Variants in GPR155 observed in about 807,000 individuals in gnomAD.
GPR155 encodes lysosomal cholesterol signaling protein.
Under a neutral mutation model 93.1 loss-of-function variants are expected in GPR155, and 65 were observed. That is an observed-to-expected ratio of 0.70 (90% CI 0.57 to 0.86). The LOEUF (loss-of-function observed/expected upper bound fraction) is 0.86. Among genes scored for constraint, GPR155 ranks in the 40% least tolerant of loss-of-function variants. GPR155 has a pLI of 0.00. For synonymous variants in GPR155, 319 were observed against 360.1 expected, an observed-to-expected ratio of 0.89 and a Z score of 1.29; for missense variants, 838 against 1,034.8, an observed-to-expected ratio of 0.81 and a Z score of 2.61.
chr2:174,473,171 T>G lies in GPR155; in HGVS notation c.654A>C (p.Pro218=), dbSNP rs1468723124. The change falls in exon 3 of 16, where the codon CCA becomes CCC. Residue 218 remains proline (P), a synonymous_variant. Coordinates refer to ENST00000392552, the MANE Select transcript of GPR155 (RefSeq NM_152529.7). ...TGCCAATGAAGACCATAAATACTAT[T>G]GGGTTCTGTAATACACGCAGGAGTC... is the stretch of plus-strand genomic sequence containing the variant. The part of the protein sequence containing the change: ...GLGLLRVLQN[P]IVFMVFIGIA... 4 of 1,613,198 alleles carry G rather than the reference T, an allele frequency of 2.5e-6. No homozygotes were observed. In the African/African-American group the frequency reaches 5.3e-5, roughly 22 times the overall value.
rs1686699324 is a variant in GPR155, at chr2:174,433,750, C to G, written c.*2366G>C. ...AGCCAGAAATTTGCCTTACCAGACA[C>G]TAGATCTGTTAGTGCCTTAATCTTG... On this transcript the variant is annotated 3_prime_UTR_variant, in exon 16 of 16. Transcript: ENST00000392552. 6.6e-6 allele frequency: 1 copy of G among 152,178 alleles called. No homozygotes were observed. The highest frequency in any genetic ancestry group is 2.4e-5 in the African/African-American group (1 of 41,434). 9.4% of individuals were successfully genotyped at this position (152,178 alleles called of 1,614,324 possible).
rs1448081731 is a variant in GPR155 at position 174,468,927 on chromosome 2, G to T, written c.1167C>A (p.Val389=). Residue 389 remains valine (V), a synonymous_variant, in exon 5 of 16, where the codon GTC becomes GTA. Coordinates refer to ENST00000392552, the MANE Select transcript of GPR155 (RefSeq NM_152529.7). ...ACGTACTTACCAAGGAGATCAGGCT[G>T]ACAATACTTATATCAAAACTAACAT... is the stretch of plus-strand genomic sequence containing the variant. ...IQNVSFDISI[V]SLISLIWSLA... is the part of the protein sequence containing the mutation. 6.2e-7 allele frequency: 1 copy of T among 1,613,810 alleles called. No homozygotes were observed. Among genetic ancestry groups the T allele is most frequent in the Non-Finnish European group, 8.5e-7 (1 of 1,179,776 alleles).
chr2:174,470,238 A>G, intron 4 of GPR155, 152 bp downstream of exon 4: 1 of 610,002 alleles, frequency 1.6e-6, no homozygotes. Flanking sequence ...GGCAGAAGGC[A>G]GGAGTTTGAA....
intron 6 of GPR155, 78 bp from the exon 7 acceptor site, chr2:174,465,980 A>G (rs1014750412): frequency 6.1e-6 from 4 of 659,188 alleles, no homozygotes; most frequent in African/African-American, 3.6e-5. Context: ...GAAAATTCCA[A>G]TTAAGCCAGC....
chr2:174,479,587 A>T (rs1348708062), intron 2 of GPR155, among the ~76,000 whole-genome samples: 1 of 152,226 alleles, frequency 6.6e-6, no homozygotes, highest in Non-Finnish European at 1.5e-5. Flanking sequence ...TACTCTGTAA[A>T]CTACATAGTT....
At chr2:174,448,913 C>A (rs1280680370) in intron 11 of GPR155, among the ~76,000 whole-genome samples, 2 of 152,170 alleles carry the variant, frequency 1.3e-5, no homozygotes, top group Non-Finnish European at 2.9e-5. Flanking sequence ...TAAAGAGCTT[C>A]TGCATAGCAG....
At position 174,473,010 on chromosome 2, in the gene GPR155, T is replaced by G; in HGVS notation, c.815A>C (p.Lys272Thr). 6.3e-7 allele frequency: 1 copy of G among 1,594,688 alleles called. No homozygotes were observed. Among genetic ancestry groups the G allele is most frequent in the Non-Finnish European group, 8.5e-7 (1 of 1,175,520 alleles). ...AATTAGTACTACAAATGCCGACTTC[T>G]TCAGTCTCTTTATTTTTCCCACCAT... ...LTMVGKIKRLKKSAFVVLILL... is the reference protein window; with the variant it reads ...LTMVGKIKRLTKSAFVVLILL... Residue 272 changes from lysine (K) to threonine (T), a missense_variant, in exon 3 of 16, where the codon AAG becomes ACG. By Grantham distance (78) the Lys-to-Thr change is moderately conservative (BLOSUM62 -1). Around this residue, in one of 3 missense-constraint regions of GPR155, gnomAD observed 663 missense variants for 790.1 expected, o/e 0.84. Coordinates refer to ENST00000392552, the MANE Select transcript of GPR155 (RefSeq NM_152529.7).
At chr2:174,479,139 G>A (rs1010445544) in intron 2 of GPR155, among the ~76,000 whole-genome samples, 1 of 152,058 alleles carries the variant, frequency 6.6e-6, no homozygotes, top group Non-Finnish European at 1.5e-5. Context: ...GCTGGCACAC[G>A]GCTAGAAACA....
Position 174,446,731 on chromosome 2 carries a change from A to G in GPR155, c.1893T>C (p.Ser631=). 1.9e-6 allele frequency: 3 copies of G among 1,613,930 alleles called. No individual in the cohort carries two copies. The highest frequency in any genetic ancestry group is 1.7e-6 in the Non-Finnish European group (2 of 1,179,902). ...ATATGCAGCTCTGGGAGTTACAGCG[A>G]CTCACACAATGATTGTCTATAAAAG... ...PSFEKNNHCV[S]RCNSQSCILA... is the part of the protein sequence containing the mutation. Residue 631 remains serine (S), a synonymous_variant, in exon 12 of 16, where the codon AGT becomes AGC. Coordinates refer to ENST00000392552, the MANE Select transcript of GPR155 (RefSeq NM_152529.7).
chr2:174,475,227 G>A (rs1217824784), intron 2 of GPR155, among the ~76,000 whole-genome samples: 1 of 144,470 alleles, frequency 6.9e-6, no homozygotes, highest in Non-Finnish European at 1.5e-5. Context: ...CCCGGGAGGC[G>A]GAGCTTGCAG....
At chr2:174,468,882 T>C (rs1245185309) in intron 5 of GPR155, 30 bp downstream of exon 5, 2 of 1,576,594 alleles carry the variant, frequency 1.3e-6, no homozygotes, top group African/African-American at 2.7e-5. Context: ...TTCTGTGGTT[T>C]CCATTCATTT....
chr2:174,446,706 A>G lies in GPR155; in HGVS notation c.1918T>C (p.Leu640=). 1 of 1,613,824 alleles carries G rather than the reference A, an allele frequency of 6.2e-7. No individual in the cohort carries two copies. The highest frequency in any genetic ancestry group is 8.5e-7 in the Non-Finnish European group (1 of 1,179,672). The change falls in exon 12 of 16, where the codon TTA becomes CTA. Residue 640 remains leucine (L), a synonymous_variant. Transcript: ENST00000392552. ...VSRCNSQSCI[L]AQEEEQYLQS... Reference sequence around the variant, plus strand: ...AGATACTGTTCTTCTTCCTGGGCTAATATGCAGCTCTGGGAGTTACAGCGA... The same window carrying G: ...AGATACTGTTCTTCTTCCTGGGCTAGTATGCAGCTCTGGGAGTTACAGCGA...
At chr2:174,440,787 G>A (rs1686935028) in intron 14 of GPR155, among the ~76,000 whole-genome samples, 1 of 152,052 alleles carries the variant, frequency 6.6e-6, no homozygotes, top group Admixed American at 6.6e-5. Flanking sequence ...CCCCACATTG[G>A]AGTATTACTA....
chr2:174,476,972 A>G (rs142010082), intron 2 of GPR155, among the ~76,000 whole-genome samples: 35 of 152,332 alleles, frequency 2.3e-4, no homozygotes, highest in African/African-American at 4.8e-4. Flanking sequence ...CCTTGAAAGC[A>G]TCATTTTAAT....
At chr2:174,452,123 T>C (rs1343838416) in intron 11 of GPR155, among the ~76,000 whole-genome samples, 1 of 152,088 alleles carries the variant, frequency 6.6e-6, no homozygotes, top group Non-Finnish European at 1.5e-5. Context: ...GGAATTCTGA[T>C]GTAAAGAAAC....
chr2:174,473,194 G>T lies in GPR155; in HGVS notation c.631C>A (p.Leu211Ile), dbSNP rs541458587. The T allele has an allele frequency of 5.0e-6, 8 of 1,613,328 alleles. No individual in the cohort carries two copies. The East Asian group carries it at 1.8e-4, about 36-fold the overall frequency. ...QNKIKIVGLG[L>I]LRVLQNPIVF... is the part of the protein sequence containing the mutation. ...ATTGGGTTCTGTAATACACGCAGGA[G>T]TCCGAGTCCCACAATTTTTATTTTA... Residue 211 changes from leucine (L) to isoleucine (I), a missense_variant, in exon 3 of 16, where the codon CTC becomes ATC. By Grantham distance (5) the Leu-to-Ile change is conservative. Around this residue, in one of 3 missense-constraint regions of GPR155, gnomAD observed 663 missense variants for 790.1 expected, o/e 0.84. Coordinates refer to ENST00000392552, the MANE Select transcript of GPR155 (RefSeq NM_152529.7).
chr2:174,468,511 A>G (rs1687903416), intron 5 of GPR155, among the ~76,000 whole-genome samples: 1 of 152,366 alleles, frequency 6.6e-6, no homozygotes, highest in South Asian at 2.1e-4. Context: ...TAGGAATTCT[A>G]TAGTGATTCA....
intron 2 of GPR155, among the ~76,000 whole-genome samples, chr2:174,478,760 G>A (rs1315276574): frequency 1.3e-4 from 20 of 151,856 alleles, no homozygotes; most frequent in Non-Finnish European, 2.9e-4. Flanking sequence ...ACCCATGATC[G>A]ATGCTTGTCT....
intron 11 of GPR155, among the ~76,000 whole-genome samples, chr2:174,450,759 T>C (rs977602897): frequency 6.6e-6 from 1 of 152,180 alleles, no homozygotes; most frequent in East Asian, 1.9e-4. Context: ...CACAATTCTA[T>C]AGCTCTTGCC....
Sources: gnomAD v4.1 joint callset for allele counts (sites outside exome capture counted in the v4.1 genomes callset) on GRCh38, gnomAD v4.1.1 for gene constraint, gnomAD v4.1.1 regional missense constraint, MANE v1.5 for transcripts, NCBI Gene and HGNC (gene_info 2026-07-23, HGNC 2026-07-21) for gene names.